The following HELZ variants were observed in gnomAD, a reference collection of about 807,000 sequenced individuals.
HELZ encodes the protein helicase with zinc finger, also known as ATP-dependent RNA helicase with zinc finger domain.
A neutral mutation model predicts 218.2 loss-of-function variants in HELZ; 23 were observed. The ratio of observed to expected loss-of-function variants is 0.11; its 90% CI spans 0.08 to 0.15. HELZ has a LOEUF of 0.15. Ranked by LOEUF, HELZ falls within the 10% of genes least tolerant of loss-of-function variation. The probability of loss-of-function intolerance (pLI) is 1.00; values close to 1 mark genes in which losing one functional copy is unlikely to be tolerated. For synonymous variants in HELZ, 814 were observed against 829.4 expected, an observed-to-expected ratio of 0.98 and a Z score of 0.32; for missense variants, 1,813 against 2,353.7, an observed-to-expected ratio of 0.77 and a Z score of 4.75.
intron 3 of HELZ, among the ~76,000 whole-genome samples, chr17:67,236,443 G>GA (rs1312074140): frequency 1.3e-5 from 2 of 151,912 alleles, no homozygotes; most frequent in East Asian, 3.8e-4. Context: ...GATATCATTA[G>GA]AAAAAATGCA....
chr17:67,111,884 G>T (rs1009721618), intron 28 of HELZ, among the ~76,000 whole-genome samples: 4 of 152,102 alleles, frequency 2.6e-5, no homozygotes, highest in Admixed American at 6.5e-5. Flanking sequence ...TTTTCCAGAA[G>T]ATATTGTTGA....
At chr17:67,151,328 A>G in intron 17 of HELZ, 104 bp from the exon 18 acceptor site, 1 of 933,678 alleles carries the variant, frequency 1.1e-6, no homozygotes, top group Non-Finnish European at 1.6e-6. Context: ...ATATCTGAAA[A>G]GTTACAAATG....
intron 13 of HELZ, among the ~76,000 whole-genome samples, chr17:67,178,064 T>G (rs749132498): frequency 6.6e-6 from 1 of 152,186 alleles, no homozygotes; most frequent in Non-Finnish European, 1.5e-5. Flanking sequence ...ATACAACTAT[T>G]TCACTAATCT....
chr17:67,212,777 C>A (rs900379096), intron 5 of HELZ, among the ~76,000 whole-genome samples: 4 of 152,250 alleles, frequency 2.6e-5, no homozygotes, highest in Admixed American at 1.3e-4. Flanking sequence ...CTTTTACACA[C>A]AGCACTGCAA....
At chr17:67,241,619 A>G (rs1333167317) in intron 2 of HELZ, among the ~76,000 whole-genome samples, 2 of 152,208 alleles carry the variant, frequency 1.3e-5, no homozygotes, top group Non-Finnish European at 2.9e-5. Flanking sequence ...CAGTCTATAA[A>G]TATATACCAA....
rs758847236 is a variant in HELZ, at chr17:67,178,802, A to G, written c.1287T>C (p.Leu429=). 1.2e-6 allele frequency: 2 copies of G among 1,614,002 alleles called. No individual in the cohort carries two copies. The highest frequency in any genetic ancestry group is 1.7e-6 in the Non-Finnish European group (2 of 1,179,894). Residue 429 remains leucine (L), a synonymous_variant, in exon 13 of 33, where the codon CTT becomes CTC. Coordinates refer to ENST00000358691, the MANE Select transcript of HELZ (RefSeq NM_014877.4). ...CAGAGAGGGGAATTTGGTATCTGATAAGAAGGCTCTTCTCCAAATCAGTAG... is the reference window on the plus strand; with the variant it reads ...CAGAGAGGGGAATTTGGTATCTGATGAGAAGGCTCTTCTCCAAATCAGTAG... ...NETTDLEKSL[L]IRYQIPLSAD... is the part of the protein sequence containing the mutation.
At chr17:67,191,483 G>A (rs973224686) in intron 9 of HELZ, among the ~76,000 whole-genome samples, 3 of 151,702 alleles carry the variant, frequency 2.0e-5, no homozygotes, top group Admixed American at 6.6e-5. Context: ...AGATAGTCTC[G>A]CTCTGTTGCC....
chr17:67,128,974 A>G, intron 23 of HELZ, 119 bp from the exon 24 acceptor site: 1 of 741,886 alleles, frequency 1.3e-6, no homozygotes, highest in Non-Finnish European at 2.2e-6. Flanking sequence ...TAAACCCAAT[A>G]GTCATCTATG....
chr17:67,167,194 C>A (rs999993849), intron 14 of HELZ, among the ~76,000 whole-genome samples: 4 of 152,182 alleles, frequency 2.6e-5, no homozygotes, highest in African/African-American at 9.6e-5. Context: ...TACATAGTTT[C>A]TTTTCATCTT....
At chr17:67,101,066 C>T (rs933721943) in intron 31 of HELZ, among the ~76,000 whole-genome samples, 6 of 146,916 alleles carry the variant, frequency 4.1e-5, no homozygotes, top group Non-Finnish European at 8.9e-5. Flanking sequence ...GCCCAGATAG[C>T]GCCACTGCAC....
intron 4 of HELZ, 147 bp from the exon 5 acceptor site, chr17:67,216,082 C>T (rs2040592217): frequency 1.5e-6 from 1 of 653,592 alleles, no homozygotes; most frequent in Non-Finnish European, 2.8e-6. Context: ...AACACATGTG[C>T]CCTCTGAGGA....
rs181035111 is a variant in HELZ, at chr17:67,178,766, T to C, written c.1323A>G (p.Leu441=). ...ATTTGTCTAAAACGGACTGAGTAAA[T>C]AGCTGGTCAGCAGAGAGGGGAATTT... ...RYQIPLSADQ[L]FTQSVLDKSL... Residue 441 remains leucine, a synonymous_variant, in exon 13 of 33, where the codon CTA becomes CTG. Coordinates refer to ENST00000358691, the MANE Select transcript of HELZ (RefSeq NM_014877.4). The C allele has an allele frequency of 3.5e-4, 564 of 1,613,966 alleles. 1 individual carries two copies. Among genetic ancestry groups the C allele is most frequent in the Non-Finnish European group, 2.2e-5 (26 of 1,179,908 alleles).
At chr17:67,092,892 C>CGG (rs61667024) in intron 31 of HELZ, among the ~76,000 whole-genome samples, 3,649 of 147,412 alleles carry the variant, frequency 0.025, 69 homozygotes, top group Admixed American at 0.068. Flanking sequence ...TTGAAACCGG[C>CGG]GGGGGGGGGA....
At chr17:67,211,596 C>G (rs2040452353) in intron 5 of HELZ, among the ~76,000 whole-genome samples, 1 of 152,078 alleles carries the variant, frequency 6.6e-6, no homozygotes, top group Non-Finnish European at 1.5e-5. Context: ...CACGGTGGTT[C>G]ACGCCTATAA....
At chr17:67,243,405 C>T (rs1457173119) in intron 2 of HELZ, among the ~76,000 whole-genome samples, 1 of 152,146 alleles carries the variant, frequency 6.6e-6, no homozygotes. Flanking sequence ...TACATAATCA[C>T]CGGGACTAAA....
At chr17:67,195,600 T>C (rs2040001486) in intron 7 of HELZ, 130 bp from the exon 8 acceptor site, 1 of 573,244 alleles carries the variant, frequency 1.7e-6, no homozygotes, top group South Asian at 2.5e-5. Flanking sequence ...CATTAATATG[T>C]TGCCAATGAT....
At chr17:67,214,526 C>CA (rs1274451299) in intron 5 of HELZ, among the ~76,000 whole-genome samples, 1 of 151,166 alleles carries the variant, frequency 6.6e-6, no homozygotes, top group Non-Finnish European at 1.5e-5. Context: ...TCGGCCTCCC[C>CA]AAGTGCTGGG....
intron 13 of HELZ, among the ~76,000 whole-genome samples, chr17:67,169,284 T>A (rs1406452713): frequency 6.6e-6 from 1 of 152,144 alleles, no homozygotes; most frequent in Non-Finnish European, 1.5e-5. Flanking sequence ...TACCTGAGAC[T>A]GGATAATTTA....
At chr17:67,105,839 T>C (rs1054198999) in intron 31 of HELZ, among the ~76,000 whole-genome samples, 17 of 152,202 alleles carry the variant, frequency 1.1e-4, no homozygotes, top group African/African-American at 3.9e-4. Flanking sequence ...CAGTAAGTTG[T>C]TTTAATGACA....
Sources: gnomAD v4.1 joint callset for allele counts (sites outside exome capture counted in the v4.1 genomes callset) on GRCh38, gnomAD v4.1.1 for gene constraint, MANE v1.5 for transcripts, NCBI Gene and HGNC (gene_info 2026-07-23, HGNC 2026-07-21) for gene names.